KCNH1: variants seen among roughly 807,000 people sequenced by gnomAD.
KCNH1 encodes the protein potassium voltage-gated channel subfamily H member 1.
In KCNH1, 27 loss-of-function variants were observed where a neutral mutation model predicts 69.2. The ratio of observed to expected loss-of-function variants is 0.39; its 90% confidence interval spans 0.29 to 0.54. The LOEUF (loss-of-function observed/expected upper bound fraction) is 0.54. Among genes scored for constraint, KCNH1 ranks in the 20% least tolerant of loss-of-function variants. The pLI is 0.68. For missense variants in KCNH1, 798 were observed against 1,261.6 expected (o/e 0.63, Z 5.57); for synonymous variants, 456 against 487.7 (o/e 0.93, Z 0.86).
chr1:210,795,871 C>G (rs537029422), intron 9 of KCNH1, among the ~76,000 whole-genome samples: 32 of 151,824 alleles, frequency 2.1e-4, no homozygotes, highest in African/African-American at 7.5e-4. Context: ...GCCTGTAATC[C>G]CAGCACTTTG....
chr1:211,067,447 A>G (rs1336724376), intron 5 of KCNH1, among the ~76,000 whole-genome samples: 3 of 152,092 alleles, frequency 2.0e-5, no homozygotes, highest in Non-Finnish European at 4.4e-5. Flanking sequence ...CTAGCTGGCA[A>G]TCTTTGCTGG....
At chr1:211,003,030 GTTTTTTGT>G (rs942668809) in intron 6 of KCNH1, among the ~76,000 whole-genome samples, 2 of 145,552 alleles carry the variant, frequency 1.4e-5, no homozygotes, top group African/African-American at 5.2e-5. Flanking sequence ...AGCTAAGAAT[GTTTTTTGT>G]TTGTTTGTTT....
chr1:210,745,068 T>C (rs1393372397), intron 10 of KCNH1, among the ~76,000 whole-genome samples: 1 of 152,186 alleles, frequency 6.6e-6, no homozygotes, highest in African/African-American at 2.4e-5. Context: ...CCGGGCGTGG[T>C]GGTGCGTGCC....
intron 7 of KCNH1, among the ~76,000 whole-genome samples, chr1:210,875,578 G>A (rs975462275): frequency 7.2e-5 from 11 of 152,064 alleles, no homozygotes; most frequent in African/African-American, 1.9e-4. Context: ...CAAGGCGGGC[G>A]GATCACTTGA....
intron 10 of KCNH1, among the ~76,000 whole-genome samples, chr1:210,697,258 A>AG (rs1020093899): frequency 1.3e-5 from 2 of 152,180 alleles, no homozygotes; most frequent in Admixed American, 6.5e-5. Context: ...GAGGGCTAAG[A>AG]GGGTCTTCCT....
intron 6 of KCNH1, among the ~76,000 whole-genome samples, chr1:210,977,080 G>T (rs965100063): frequency 2.0e-5 from 3 of 152,200 alleles, no homozygotes; most frequent in African/African-American, 7.2e-5. Flanking sequence ...TGATAGACTG[G>T]TGGCACATAT....
At chr1:210,890,411 T>G (rs1286384293) in intron 7 of KCNH1, among the ~76,000 whole-genome samples, 1 of 152,160 alleles carries the variant, frequency 6.6e-6, no homozygotes, top group Non-Finnish European at 1.5e-5. Context: ...GATTAAAGAC[T>G]TAAATGTAAG....
At chr1:210,998,185 C>A (rs1246184891) in intron 6 of KCNH1, among the ~76,000 whole-genome samples, 4 of 152,124 alleles carry the variant, frequency 2.6e-5, no homozygotes, top group African/African-American at 9.7e-5. Context: ...TGTAAATGGG[C>A]TAAATGCTCC....
chr1:210,711,524 T>C (rs1269248416), intron 10 of KCNH1, among the ~76,000 whole-genome samples: 1 of 152,226 alleles, frequency 6.6e-6, no homozygotes, highest in Non-Finnish European at 1.5e-5. Context: ...TCTTACATGC[T>C]GTTCCTTTGA....
intron 7 of KCNH1, among the ~76,000 whole-genome samples, chr1:210,871,756 C>T (rs1468185830): frequency 6.6e-6 from 1 of 151,308 alleles, no homozygotes; most frequent in Non-Finnish European, 1.5e-5. Flanking sequence ...TTTGTAGGGA[C>T]ATGGATGAAA....
At chr1:210,852,086 G>C (rs1685718973) in intron 7 of KCNH1, among the ~76,000 whole-genome samples, 1 of 152,226 alleles carries the variant, frequency 6.6e-6, no homozygotes, top group Admixed American at 6.5e-5. Context: ...AAAACAATGT[G>C]CTTAGAAAGA....
At chr1:211,099,926 G>C (rs1348264776) in intron 3 of KCNH1, among the ~76,000 whole-genome samples, 1 of 152,058 alleles carries the variant, frequency 6.6e-6, no homozygotes, top group Non-Finnish European at 1.5e-5. Flanking sequence ...CTCTTCCCCT[G>C]ACCAGGCCAC....
At position 210,759,776 on chromosome 1, in the gene KCNH1, A is replaced by C. The variant is rs549512808; in HGVS notation, c.2112+15572T>G. ...ATATATTTGAGGATATAATTCAGGA[A>C]AATTTCCCCAATCTTGCTAGAGAGG... On this transcript the variant is annotated intron_variant, in intron 10 of 10. Transcript: ENST00000271751. 2.6e-5 allele frequency among the ~76,000 whole-genome samples: 4 copies of C among 152,354 alleles called. No individual in the cohort carries two copies. In the South Asian group the frequency reaches 8.3e-4, roughly 32 times the overall value.
rs756017112 is a variant in KCNH1 at position 210,860,236 on chromosome 1, T to G, written c.1463-56070A>C. 22 of 1,466,418 alleles carry G rather than the reference T, an allele frequency of 1.5e-5. No homozygotes were observed. In the South Asian group the frequency reaches 2.4e-4, roughly 16 times the overall value. The allele number at this position is 1,466,418 out of a possible 1,614,324, so 90.8% of individuals were successfully genotyped here. A position where few individuals can be genotyped will look rare whatever the true frequency, so the allele number is the denominator to read the frequency against. ...TGTAAAGTAATCAAAGCCATCTTGC[T>G]GAAAGACTTCAAATACAAGGGGTAG... On this transcript the variant is annotated intron_variant, in intron 7 of 10. Transcript: ENST00000271751.
chr1:210,717,392 C>T (rs1487463371), intron 10 of KCNH1, among the ~76,000 whole-genome samples: 1 of 152,196 alleles, frequency 6.6e-6, no homozygotes, highest in South Asian at 2.1e-4. Context: ...CCTGCTGCTC[C>T]CCAACTCTCA....
At chr1:211,022,459 C>G (rs1476354968) in intron 5 of KCNH1, among the ~76,000 whole-genome samples, 1 of 152,054 alleles carries the variant, frequency 6.6e-6, no homozygotes, top group Non-Finnish European at 1.5e-5. Context: ...GCAACCAAGG[C>G]AAAAATAGCC....
At chr1:210,946,581 T>G (rs1353632719) in intron 6 of KCNH1, among the ~76,000 whole-genome samples, 1 of 152,046 alleles carries the variant, frequency 6.6e-6, no homozygotes, top group Admixed American at 6.5e-5. Context: ...GAGACACATC[T>G]CACAATAAAC....
At chr1:211,066,836 C>T (rs979121618) in intron 5 of KCNH1, among the ~76,000 whole-genome samples, 1 of 152,206 alleles carries the variant, frequency 6.6e-6, no homozygotes, top group Non-Finnish European at 1.5e-5. Flanking sequence ...GCAGAACATA[C>T]ATATGGCATT....
chr1:210,989,806 T>G (rs1182431309), intron 6 of KCNH1, among the ~76,000 whole-genome samples: 4 of 152,228 alleles, frequency 2.6e-5, no homozygotes, highest in Non-Finnish European at 5.9e-5. Flanking sequence ...TATTACCTGA[T>G]GAGTCACTTA....
Sources: allele counts gnomAD v4.1 joint callset (sites outside exome capture counted in the v4.1 genomes callset), GRCh38; gene constraint gnomAD v4.1.1; transcripts MANE v1.5; gene names NCBI Gene and HGNC (gene_info 2026-07-23, HGNC 2026-07-21).